Variants in NSMCE2 observed in about 807,000 individuals in gnomAD.
NSMCE2 encodes the protein E3 SUMO-protein ligase NSE2.
In NSMCE2, 24 loss-of-function variants were observed where a neutral mutation model predicts 23.8. That is an observed-to-expected ratio of 1.01 (90% confidence interval 0.73 to 1.42). The LOEUF is 1.42. Among genes scored for constraint, NSMCE2 ranks in the 40% most tolerant of loss-of-function variants. NSMCE2 has a pLI of 0.00. For missense variants in NSMCE2, 284 were observed against 296.5 expected (o/e 0.96, Z 0.31); for synonymous variants, 92 against 94.1 (o/e 0.98, Z 0.13).
chr8:125,142,069 T>C (rs751224487), intron 3 of NSMCE2, among the ~76,000 whole-genome samples: 4 of 152,208 alleles, frequency 2.6e-5, no homozygotes, highest in Non-Finnish European at 5.9e-5. Flanking sequence ...TTTCACTTGC[T>C]ACCTTTTGGT....
At chr8:125,173,265 A>G (rs1309302520) in intron 4 of NSMCE2, among the ~76,000 whole-genome samples, 1 of 152,188 alleles carries the variant, frequency 6.6e-6, no homozygotes, top group African/African-American at 2.4e-5. Flanking sequence ...AGACTGTTAA[A>G]CCAGCAGAAC....
chr8:125,366,409 G>A (rs925803518), intron 7 of NSMCE2, among the ~76,000 whole-genome samples: 1 of 152,132 alleles, frequency 6.6e-6, no homozygotes, highest in African/African-American at 2.4e-5. Context: ...GCGTGGTGGT[G>A]GGTGCCTGTA....
chr8:125,204,011 A>G (rs1824001015), intron 5 of NSMCE2, among the ~76,000 whole-genome samples: 1 of 152,192 alleles, frequency 6.6e-6, no homozygotes, highest in Non-Finnish European at 1.5e-5. Context: ...TTGCGGTGAG[A>G]CAGATGCTTG....
intron 5 of NSMCE2, among the ~76,000 whole-genome samples, chr8:125,316,303 A>C (rs1829175901): frequency 6.6e-6 from 1 of 152,258 alleles, no homozygotes; most frequent in East Asian, 1.9e-4. Flanking sequence ...GTATTGTGAG[A>C]AGCATATGGC....
At chr8:125,249,458 TC>T (rs1428755193) in intron 5 of NSMCE2, among the ~76,000 whole-genome samples, 1 of 152,178 alleles carries the variant, frequency 6.6e-6, no homozygotes, top group Non-Finnish European at 1.5e-5. Context: ...TGTTCGGGAC[TC>T]AAGTTTCATT....
At chr8:125,349,564 C>T (rs1812942037) in intron 5 of NSMCE2, among the ~76,000 whole-genome samples, 1 of 140,762 alleles carries the variant, frequency 7.1e-6, no homozygotes. Flanking sequence ...GCCTCAGCAA[C>T]ATAGTGAGAG....
chr8:125,346,799 T>C (rs563557894), intron 5 of NSMCE2, among the ~76,000 whole-genome samples: 2 of 152,338 alleles, frequency 1.3e-5, no homozygotes, highest in African/African-American at 4.8e-5. Flanking sequence ...TTGATTATTT[T>C]AAACCTAATA....
chr8:125,330,725 A>G (rs759732528), intron 5 of NSMCE2, among the ~76,000 whole-genome samples: 9 of 152,184 alleles, frequency 5.9e-5, no homozygotes, highest in Non-Finnish European at 1.0e-4. Context: ...GCTCTTCCCA[A>G]TAAGAAGCAG....
intron 5 of NSMCE2, among the ~76,000 whole-genome samples, chr8:125,243,589 A>G (rs1044489670): frequency 3.3e-5 from 5 of 152,160 alleles, no homozygotes; most frequent in Admixed American, 2.6e-4. Flanking sequence ...TCATATCTCA[A>G]TGTTATTAAA....
chr8:125,093,662 G>A (rs1301175610), intron 1 of NSMCE2, among the ~76,000 whole-genome samples: 1 of 152,164 alleles, frequency 6.6e-6, no homozygotes, highest in African/African-American at 2.4e-5. Context: ...AGCAGAGGTT[G>A]AGGTGAGCCG....
intron 1 of NSMCE2, among the ~76,000 whole-genome samples, chr8:125,096,361 T>C (rs922486734): frequency 2.6e-5 from 4 of 152,202 alleles, no homozygotes; most frequent in Admixed American, 2.0e-4. Flanking sequence ...GTTTTGTCCT[T>C]ACCTGCCCTG....
At chr8:125,317,211 T>A (rs1015254769) in intron 5 of NSMCE2, among the ~76,000 whole-genome samples, 2 of 152,050 alleles carry the variant, frequency 1.3e-5, no homozygotes, top group East Asian at 1.9e-4. Flanking sequence ...TTTTTTTTTT[T>A]ATTGGAGACA....
chr8:125,117,547 TA>T (rs1300421840), intron 3 of NSMCE2, among the ~76,000 whole-genome samples: 1 of 152,130 alleles, frequency 6.6e-6, no homozygotes. Flanking sequence ...ATTTTTATTT[TA>T]TTTTTTTAAG....
intron 5 of NSMCE2, among the ~76,000 whole-genome samples, chr8:125,304,507 G>A (rs1256489068): frequency 6.6e-6 from 1 of 152,100 alleles, no homozygotes; most frequent in East Asian, 1.9e-4. Flanking sequence ...CAAAGATGAG[G>A]GCCTGCCTGA....
At chr8:125,118,884 A>G (rs887014650) in intron 3 of NSMCE2, among the ~76,000 whole-genome samples, 2 of 152,234 alleles carry the variant, frequency 1.3e-5, no homozygotes, top group Non-Finnish European at 2.9e-5. Flanking sequence ...AACATTTCAT[A>G]TGAATCATAA....
chr8:125,314,365 C>T (rs1176845778), intron 5 of NSMCE2, among the ~76,000 whole-genome samples: 2 of 152,214 alleles, frequency 1.3e-5, no homozygotes, highest in Non-Finnish European at 1.5e-5. Flanking sequence ...TCTCAGGTCA[C>T]TACAACCTCC....
intron 5 of NSMCE2, among the ~76,000 whole-genome samples, chr8:125,333,877 A>G (rs1200335355): frequency 1.3e-5 from 2 of 152,118 alleles, no homozygotes; most frequent in Non-Finnish European, 2.9e-5. Flanking sequence ...GATGAAGAAA[A>G]TAAGGCCCAA....
chr8:125,258,895 T>C (rs1357166707), intron 5 of NSMCE2, among the ~76,000 whole-genome samples: 1 of 152,216 alleles, frequency 6.6e-6, no homozygotes, highest in African/African-American at 2.4e-5. Flanking sequence ...TCTGGCCTGC[T>C]CACAGAGCTT....
chr8:125,293,883 G>T (rs949675118), intron 5 of NSMCE2, among the ~76,000 whole-genome samples: 2 of 152,100 alleles, frequency 1.3e-5, no homozygotes, highest in Non-Finnish European at 2.9e-5. Flanking sequence ...TATTCACAGA[G>T]CTAGGCAGCC....
Sources: gnomAD v4.1 joint callset for allele counts (sites outside exome capture counted in the v4.1 genomes callset) on GRCh38, gnomAD v4.1.1 for gene constraint, MANE v1.5 for transcripts, NCBI Gene and HGNC (gene_info 2026-07-23, HGNC 2026-07-21) for gene names.